Variants in THSD4 observed in about 807,000 individuals in gnomAD.
THSD4 encodes the protein thrombospondin type-1 domain-containing protein 4.
Under a neutral mutation model 119.0 loss-of-function variants are expected in THSD4, and 69 were observed. The ratio of observed to expected loss-of-function variants is 0.58; its 90% confidence interval spans 0.48 to 0.71. The LOEUF (loss-of-function observed/expected upper bound fraction) is 0.71. Among genes scored for constraint, THSD4 ranks in the 30% least tolerant of loss-of-function variants. The pLI is 0.00. For synonymous variants in THSD4, 524 were observed against 540.4 expected (o/e 0.97, Z 0.42); for missense variants, 1,393 against 1,391.1 (o/e 1.00, Z -0.02).
intron 6 of THSD4, among the ~76,000 whole-genome samples, chr15:71,346,310 G>T (rs959714795): frequency 3.3e-5 from 5 of 152,042 alleles, no homozygotes; most frequent in African/African-American, 1.2e-4. Context: ...GAAGTGATGG[G>T]GTATTCTTAT....
At chr15:71,547,183 C>A (rs1275745276) in intron 7 of THSD4, 4 of 1,316,842 alleles carry the variant, frequency 3.0e-6, no homozygotes, top group Non-Finnish European at 3.9e-6. Context: ...CCTGTCCCCT[C>A]CCCCAGCCGG....
chr15:71,736,342 ACT>A (rs1567127258), intron 10 of THSD4, among the ~76,000 whole-genome samples: 2 of 73,368 alleles, frequency 2.7e-5, no homozygotes, highest in Non-Finnish European at 5.9e-5. Flanking sequence ...TCTATCTCTG[ACT>A]CTCTGTCTTG....
intron 4 of THSD4, among the ~76,000 whole-genome samples, chr15:71,239,291 G>C (rs1056632334): frequency 3.9e-5 from 6 of 152,154 alleles, no homozygotes; most frequent in African/African-American, 1.4e-4. Context: ...ATTACTCTCA[G>C]GTTCCTACCA....
chr15:71,234,345 G>A (rs956089370), intron 4 of THSD4, among the ~76,000 whole-genome samples: 2 of 151,786 alleles, frequency 1.3e-5, no homozygotes, highest in East Asian at 1.9e-4. Flanking sequence ...CTCTCCACTC[G>A]CCCAGGCTGG....
intron 6 of THSD4, among the ~76,000 whole-genome samples, chr15:71,348,865 C>G (rs1284740945): frequency 6.6e-6 from 1 of 152,202 alleles, no homozygotes; most frequent in Non-Finnish European, 1.5e-5. Flanking sequence ...TGCCAAGCCT[C>G]CAGAGGAACC....
At chr15:71,361,896 G>C (rs2045896182) in intron 6 of THSD4, among the ~76,000 whole-genome samples, 1 of 152,198 alleles carries the variant, frequency 6.6e-6, no homozygotes, top group Non-Finnish European at 1.5e-5. Context: ...TGTGTAAAAA[G>C]AGGCAGACAA....
chr15:71,257,623 T>G (rs2044334971), intron 6 of THSD4, among the ~76,000 whole-genome samples: 1 of 152,172 alleles, frequency 6.6e-6, no homozygotes, highest in African/African-American at 2.4e-5. Flanking sequence ...TGAGTTGTGA[T>G]GATTTTATTG....
In THSD4 at chr15:71,324,388, A is replaced by G. The variant is rs367812512; in HGVS notation, c.1015+67673A>G. On this transcript the variant is annotated intron_variant, in intron 6 of 17. Coordinates refer to ENST00000261862, the MANE Select transcript of THSD4 (RefSeq NM_024817.3). ...GAATTGTAGAGTGGTGAAGTCTGAG[A>G]TTTGAGCCCACCCATCACCTGAGTA... 1.3e-3 allele frequency among the ~76,000 whole-genome samples: 197 copies of G among 152,240 alleles called. 12 individuals carry two copies. The South Asian group carries it at 0.04, about 31-fold the overall frequency.
At chr15:71,323,188 T>C (rs1190548583) in intron 6 of THSD4, among the ~76,000 whole-genome samples, 1 of 151,898 alleles carries the variant, frequency 6.6e-6, no homozygotes, top group Non-Finnish European at 1.5e-5. Context: ...CATTCTCTAT[T>C]GGTTACACAG....
chr15:71,373,262 A>T (rs915327224), intron 6 of THSD4, among the ~76,000 whole-genome samples: 2 of 152,216 alleles, frequency 1.3e-5, no homozygotes. Flanking sequence ...TGGGTCAGAA[A>T]TATAGCCCTG....
chr15:71,140,330 C>A (rs778772770), intron 1 of THSD4, among the ~76,000 whole-genome samples: 2 of 152,092 alleles, frequency 1.3e-5, no homozygotes, highest in Admixed American at 6.6e-5. Context: ...GTGTGTCACA[C>A]GGCAAGAGAG....
intron 7 of THSD4, among the ~76,000 whole-genome samples, chr15:71,574,466 TA>T (rs1473966468): frequency 1.4e-4 from 21 of 152,232 alleles, no homozygotes. Flanking sequence ...ATCATATAAT[TA>T]AAAAGGTACC....
At chr15:71,583,590 G>C (rs549022122) in intron 7 of THSD4, among the ~76,000 whole-genome samples, 1 of 151,362 alleles carries the variant, frequency 6.6e-6, no homozygotes, top group Non-Finnish European at 1.5e-5. Context: ...TATAAGTTTT[G>C]ATATGTTGTG....
intron 6 of THSD4, among the ~76,000 whole-genome samples, chr15:71,340,819 T>G (rs2045557018): frequency 1.3e-5 from 2 of 152,174 alleles, no homozygotes; most frequent in Admixed American, 1.3e-4. Flanking sequence ...AGGGTAGTCT[T>G]GAACTCTTGA....
At chr15:71,661,360 A>G (rs2051301404) in intron 8 of THSD4, among the ~76,000 whole-genome samples, 3 of 152,060 alleles carry the variant, frequency 2.0e-5, no homozygotes, top group Admixed American at 2.0e-4. Context: ...ATTCCATCTG[A>G]TAAAAACCAC....
intron 16 of THSD4, among the ~76,000 whole-genome samples, chr15:71,770,721 G>A (rs906874718): frequency 6.6e-6 from 1 of 152,184 alleles, no homozygotes; most frequent in African/African-American, 2.4e-5. Context: ...CTATATTGAA[G>A]AGAATAAGAA....
intron 7 of THSD4, among the ~76,000 whole-genome samples, chr15:71,644,941 G>A (rs374168744): frequency 6.6e-6 from 1 of 152,152 alleles, no homozygotes; most frequent in African/African-American, 2.4e-5. Flanking sequence ...TTATACTGCA[G>A]CTCCTAGTAA....
intron 6 of THSD4, among the ~76,000 whole-genome samples, chr15:71,328,157 G>A (rs1286914046): frequency 5.3e-5 from 8 of 152,180 alleles, no homozygotes; most frequent in East Asian, 1.9e-4. Context: ...CTGGGACACC[G>A]TATTTTCGTG....
intron 6 of THSD4, among the ~76,000 whole-genome samples, chr15:71,390,887 C>T (rs1003738389): frequency 2.0e-5 from 2 of 102,088 alleles, no homozygotes; most frequent in African/African-American, 8.0e-5. Flanking sequence ...ACAGAGAGGG[C>T]CTTGTTCAGT....
Sources: allele counts gnomAD v4.1 joint callset (sites outside exome capture counted in the v4.1 genomes callset), GRCh38; gene constraint gnomAD v4.1.1; transcripts MANE v1.5; gene names NCBI Gene and HGNC (gene_info 2026-07-23, HGNC 2026-07-21).